Variants in PCDHA3 observed in about 807,000 individuals in gnomAD.
The protein encoded by PCDHA3 is protocadherin alpha 3.
PCDHA3 carries 41 observed loss-of-function variants against 62.2 expected under a neutral mutation model. The ratio of observed to expected loss-of-function variants is 0.66; its 90% CI spans 0.51 to 0.86. PCDHA3 has a LOEUF of 0.86. Among genes scored for constraint, PCDHA3 ranks in the 40% least tolerant of loss-of-function variants. The pLI is 0.00. For synonymous variants in PCDHA3, 640 were observed against 555.4 expected (o/e 1.15, Z -2.14); for missense variants, 1,304 against 1,241.2 (o/e 1.05, Z -0.76).
chr5:140,823,064 G>T (rs2150121897), intron 1 of PCDHA3: 1 of 1,614,062 alleles, frequency 6.2e-7, no homozygotes, highest in Non-Finnish European at 8.5e-7. Context: ...CGGGACGGGG[G>T]CTCGCCTTCG....
chr5:140,951,683 A>G (rs1389313679), intron 1 of PCDHA3, among the ~76,000 whole-genome samples: 1 of 152,160 alleles, frequency 6.6e-6, no homozygotes, highest in Non-Finnish European at 1.5e-5. Flanking sequence ...TGGGGATTAC[A>G]ATGTGACATG....
At chr5:140,831,524 T>A (rs1771606843) in intron 1 of PCDHA3, among the ~76,000 whole-genome samples, 4 of 26,740 alleles carry the variant, frequency 1.5e-4, no homozygotes, top group Admixed American at 1.4e-3. Context: ...CCCCACCTTT[T>A]TTTTTTTTTT....
rs2150357061 is a variant in PCDHA3, at chr5:140,843,307, G to A, written c.2394+39716G>A. 9.4e-6 allele frequency: 15 copies of A among 1,595,858 alleles called. 1 individual carries two copies. In the African/African-American group the frequency reaches 1.1e-4, roughly 11 times the overall value. Reference sequence around the variant, plus strand: ...ATGGTGAACCTGCGCTGACCGCCACGGCCACGGTTCTGGTGTCGCTGGTGG... The same window carrying A: ...ATGGTGAACCTGCGCTGACCGCCACAGCCACGGTTCTGGTGTCGCTGGTGG... On this transcript the variant is annotated intron_variant, in intron 1 of 3. Coordinates refer to ENST00000522353, the MANE Select transcript of PCDHA3 (RefSeq NM_018906.3).
At chr5:140,831,731 C>A (rs1771681579) in intron 1 of PCDHA3, among the ~76,000 whole-genome samples, 1 of 152,004 alleles carries the variant, frequency 6.6e-6, no homozygotes, top group Admixed American at 6.6e-5. Flanking sequence ...TGTTATCCTC[C>A]CTTGCCTAAA....
At chr5:140,863,304 C>T in intron 1 of PCDHA3, 1 of 1,463,904 alleles carries the variant, frequency 6.8e-7, no homozygotes, top group Non-Finnish European at 9.3e-7. Context: ...TCATCGCCAT[C>T]TGCGTGGTGT....
Position 140,849,712 on chromosome 5 carries a change from C to T in PCDHA3, c.2394+46121C>T, listed in dbSNP as rs2150446144. 1.9e-6 allele frequency: 3 copies of T among 1,598,618 alleles called. No individual in the cohort carries two copies. On this transcript the variant is annotated intron_variant, in intron 1 of 3. Transcript: ENST00000522353. ...GTGTCCACCTACAAGAATTACTACT[C>T]GTTGGTGCTGGACAGAGCTCTGGAC... is the stretch of plus-strand genomic sequence containing the variant.
intron 1 of PCDHA3, among the ~76,000 whole-genome samples, chr5:140,951,313 T>C (rs1554219855): frequency 1.3e-5 from 2 of 152,194 alleles, no homozygotes; most frequent in Non-Finnish European, 2.9e-5. Flanking sequence ...TAATGTGTTA[T>C]TCTTGAGATT....
At position 140,858,007 on chromosome 5, in the gene PCDHA3, T is replaced by A. The variant is rs1383838363; in HGVS notation, c.2394+54416T>A. The stretch of plus-strand genomic sequence containing the variant: ...GCCTACTGGTGCTGGTGAAGGACCA[T>A]GGCGAGCCGTCGCTGACGGCCACGG... On this transcript the variant is annotated intron_variant, in intron 1 of 3. Coordinates refer to ENST00000522353, the MANE Select transcript of PCDHA3 (RefSeq NM_018906.3). The A allele has an allele frequency of 8.8e-6, 14 of 1,596,616 alleles. 1 individual carries two copies. Among genetic ancestry groups the A allele is most frequent in the Non-Finnish European group, 1.1e-5 (13 of 1,167,062 alleles).
intron 1 of PCDHA3, chr5:140,857,362 C>A: frequency 1.3e-6 from 2 of 1,598,452 alleles, no homozygotes. Flanking sequence ...GGGCCACGGC[C>A]AGCGTGTCTG....
intron 1 of PCDHA3, among the ~76,000 whole-genome samples, chr5:140,946,113 G>T (rs1241993026): frequency 6.6e-6 from 1 of 151,816 alleles, no homozygotes; most frequent in Non-Finnish European, 1.5e-5. Context: ...AAATATATAA[G>T]GAACTCAAAC....
At chr5:140,822,019 A>G (rs1427056714) in intron 1 of PCDHA3, 3 of 1,614,052 alleles carry the variant, frequency 1.9e-6, no homozygotes, top group African/African-American at 1.3e-5. Flanking sequence ...GCAGAATGGC[A>G]TTTTGTTTGT....
intron 1 of PCDHA3, among the ~76,000 whole-genome samples, chr5:140,960,656 G>T (rs553083977): frequency 1.3e-5 from 2 of 152,218 alleles, no homozygotes; most frequent in Admixed American, 1.3e-4. Context: ...CCAAATCAAT[G>T]AATGCTTTGG....
intron 1 of PCDHA3, chr5:140,809,362 G>C (rs782248893): frequency 6.2e-7 from 1 of 1,614,020 alleles, no homozygotes; most frequent in Admixed American, 1.7e-5. Context: ...GGTGCTCTGC[G>C]CTGCCCACCG....
At chr5:140,874,305 A>G (rs2054830761) in intron 1 of PCDHA3, among the ~76,000 whole-genome samples, 1 of 152,116 alleles carries the variant, frequency 6.6e-6, no homozygotes, top group Non-Finnish European at 1.5e-5. Context: ...CTTGTTCACA[A>G]TGAGTTGTAG....
At chr5:140,803,671 A>G (rs782450131) in intron 1 of PCDHA3, 80 bp downstream of exon 1, 2 of 1,599,252 alleles carry the variant, frequency 1.3e-6, no homozygotes, top group East Asian at 4.5e-5. Context: ...GAAATACATT[A>G]ATAGTTAAGT....
chr5:140,981,862 T>C (rs1160188291), intron 2 of PCDHA3, among the ~76,000 whole-genome samples: 1 of 152,212 alleles, frequency 6.6e-6, no homozygotes, highest in African/African-American at 2.4e-5. Flanking sequence ...CTCCCAGCAA[T>C]GTTTTATGCT....
rs2150332789 is a variant in PCDHA3, at chr5:140,842,251, T to C, written c.2394+38660T>C. 6 of 1,611,822 alleles carry C rather than the reference T, an allele frequency of 3.7e-6. 1 individual carries two copies. The highest frequency in any genetic ancestry group is 5.1e-6 in the Non-Finnish European group (6 of 1,178,190). Reference sequence around the variant, plus strand: ...TAGTGATTCGGGGTAATTTGGATTTTGAACAAGAAAACTTATACAAAATCC... The same window carrying C: ...TAGTGATTCGGGGTAATTTGGATTTCGAACAAGAAAACTTATACAAAATCC... On this transcript the variant is annotated intron_variant, in intron 1 of 3. Coordinates refer to ENST00000522353, the MANE Select transcript of PCDHA3 (RefSeq NM_018906.3).
intron 1 of PCDHA3, among the ~76,000 whole-genome samples, chr5:140,974,423 C>T (rs2096627451): frequency 6.6e-6 from 1 of 152,166 alleles, no homozygotes; most frequent in Non-Finnish European, 1.5e-5. Flanking sequence ...ATTTTACTTT[C>T]CTGGTTTGTA....
chr5:140,888,322 C>T (rs983342995), intron 1 of PCDHA3, among the ~76,000 whole-genome samples: 23 of 152,148 alleles, frequency 1.5e-4, no homozygotes, highest in African/African-American at 5.6e-4. Context: ...TGCCTGGATA[C>T]ATTTTTGGTT....
Sources: gnomAD v4.1 joint callset for allele counts (sites outside exome capture counted in the v4.1 genomes callset) on GRCh38, gnomAD v4.1.1 for gene constraint, MANE v1.5 for transcripts, NCBI Gene and HGNC (gene_info 2026-07-23, HGNC 2026-07-21) for gene names.